MAST4: variants seen among roughly 807,000 people sequenced by gnomAD.
The protein encoded by MAST4 is microtubule-associated serine/threonine-protein kinase 4.
A neutral mutation model predicts 162.7 loss-of-function variants in MAST4; 89 were observed. The observed-to-expected ratio is 0.55, with a 90% CI of 0.46 to 0.65. The LOEUF (loss-of-function observed/expected upper bound fraction) is 0.65. Ranked by LOEUF, MAST4 falls within the 30% of genes least tolerant of loss-of-function variation. The pLI is 0.00. For missense variants in MAST4, 3,153 were observed against 3,374.0 expected (o/e 0.93, Z 1.62); for synonymous variants, 1,479 against 1,361.1 (o/e 1.09, Z -1.91).
At chr5:67,146,223 A>T (rs987026782) in intron 23 of MAST4, among the ~76,000 whole-genome samples, 7 of 152,216 alleles carry the variant, frequency 4.6e-5, no homozygotes, top group African/African-American at 1.7e-4. Flanking sequence ...CCTTTGTGTG[A>T]TGTAACCTTC....
At chr5:66,961,159 CA>C (rs2064904770) in intron 4 of MAST4, among the ~76,000 whole-genome samples, 1 of 152,202 alleles carries the variant, frequency 6.6e-6, no homozygotes, top group Non-Finnish European at 1.5e-5. Flanking sequence ...TACATTCACT[CA>C]TGGAGAAAGC....
intron 14 of MAST4, among the ~76,000 whole-genome samples, chr5:67,122,214 A>T (rs1228127744): frequency 6.6e-6 from 1 of 152,224 alleles, no homozygotes; most frequent in Non-Finnish European, 1.5e-5. Flanking sequence ...AAGAGCAATA[A>T]ACAATCTCAT....
intron 3 of MAST4, among the ~76,000 whole-genome samples, chr5:66,863,366 A>G (rs1490473085): frequency 6.6e-6 from 1 of 152,190 alleles, no homozygotes; most frequent in African/African-American, 2.4e-5. Context: ...GCTCTTTAAA[A>G]AACTGGGACT....
intron 1 of MAST4, among the ~76,000 whole-genome samples, chr5:66,684,735 C>T (rs1748535400): frequency 6.6e-6 from 1 of 152,086 alleles, no homozygotes; most frequent in Non-Finnish European, 1.5e-5. Context: ...AAGAATAATG[C>T]TAGTAATTTT....
At chr5:67,131,075 C>G (rs1768912512) in intron 15 of MAST4, among the ~76,000 whole-genome samples, 1 of 152,022 alleles carries the variant, frequency 6.6e-6, no homozygotes, top group Non-Finnish European at 1.5e-5. Context: ...CTATAAAACT[C>G]AAAGAAACAT....
At chr5:66,915,388 G>T (rs1245237461) in intron 4 of MAST4, among the ~76,000 whole-genome samples, 2 of 152,038 alleles carry the variant, frequency 1.3e-5, no homozygotes, top group Non-Finnish European at 1.5e-5. Context: ...ATGTTTCCCT[G>T]GATGATAAGA....
intron 6 of MAST4, chr5:67,093,519 G>A: frequency 2.7e-6 from 1 of 367,370 alleles, no homozygotes; most frequent in South Asian, 2.2e-5. Context: ...TGAGTAAATA[G>A]ACACAGACAA....
chr5:66,993,931 C>G (rs867729060), intron 4 of MAST4, among the ~76,000 whole-genome samples: 1 of 108,828 alleles, frequency 9.2e-6, no homozygotes, highest in East Asian at 3.5e-4. Context: ...CCCCCCCCCC[C>G]ACCCCACCAA....
Position 66,736,304 on chromosome 5 carries a change from G to A in MAST4, c.364-23405G>A, listed in dbSNP as rs532195292. On this transcript the variant is annotated intron_variant, in intron 1 of 28. Transcript: ENST00000403625. The stretch of plus-strand genomic sequence containing the variant: ...AGATGGAGAATACTTTGGCAACCAT[G>A]TAGTGAGGGAATTTTTTTTTTTTTT... 2.0e-5 allele frequency among the ~76,000 whole-genome samples: 3 copies of A among 149,172 alleles called. No homozygotes were observed. The South Asian group carries it at 6.4e-4, about 32-fold the overall frequency.
chr5:67,168,921 A>G lies in MAST4; in HGVS notation c.*1870A>G, dbSNP rs375343946. The G allele has an allele frequency of 6.6e-6, 1 of 152,254 alleles. No individual in the cohort carries two copies. Among genetic ancestry groups the G allele is most frequent in the Non-Finnish European group, 1.5e-5 (1 of 68,048 alleles). 9.4% of individuals were successfully genotyped at this position (152,254 alleles called of 1,614,324 possible). On this transcript the variant is annotated 3_prime_UTR_variant, in exon 29 of 29. Coordinates refer to ENST00000403625, the MANE Select transcript of MAST4 (RefSeq NM_001164664.2). The stretch of plus-strand genomic sequence containing the variant: ...AAAAACAAACAAAAAAAGAAAAAGA[A>G]AAAAGCCTCCTCCTTGCCCCTAATT...
chr5:67,014,846 G>A (rs1048764292), intron 4 of MAST4, among the ~76,000 whole-genome samples: 2 of 152,168 alleles, frequency 1.3e-5, no homozygotes, highest in Non-Finnish European at 2.9e-5. Flanking sequence ...ATGGCTTCTT[G>A]TAGAGGAAGC....
chr5:66,753,522 C>T (rs1186000185), intron 1 of MAST4, among the ~76,000 whole-genome samples: 1 of 151,768 alleles, frequency 6.6e-6, no homozygotes, highest in African/African-American at 2.4e-5. Context: ...ACTACAAACA[C>T]CTCGACGCAA....
intron 4 of MAST4, among the ~76,000 whole-genome samples, chr5:66,930,521 G>A (rs1742074704): frequency 6.6e-6 from 1 of 152,274 alleles, no homozygotes; most frequent in African/African-American, 2.4e-5. Flanking sequence ...GTGTGTATAT[G>A]ATTGTGAATG....
intron 4 of MAST4, among the ~76,000 whole-genome samples, chr5:66,951,865 A>G (rs1269990485): frequency 1.3e-5 from 2 of 151,936 alleles, no homozygotes; most frequent in East Asian, 1.9e-4. Flanking sequence ...TTTTTTCTCA[A>G]AGCCTCTTCC....
chr5:66,976,134 C>T (rs919177411), intron 4 of MAST4, among the ~76,000 whole-genome samples: 7 of 152,296 alleles, frequency 4.6e-5, no homozygotes, highest in South Asian at 2.1e-4. Context: ...GGGATCATTG[C>T]GTCTGCTGTT....
chr5:66,853,003 G>A (rs1759426444), intron 3 of MAST4, among the ~76,000 whole-genome samples: 2 of 152,234 alleles, frequency 1.3e-5, no homozygotes, highest in African/African-American at 4.8e-5. Flanking sequence ...AAAGCCCAGA[G>A]TGAGTCTTAA....
intron 8 of MAST4, among the ~76,000 whole-genome samples, chr5:67,101,574 G>C (rs951602632): frequency 2.6e-5 from 4 of 152,162 alleles, no homozygotes; most frequent in Admixed American, 6.5e-5. Context: ...AGTGCACTTT[G>C]ATATATTAAG....
intron 26 of MAST4, among the ~76,000 whole-genome samples, chr5:67,155,084 A>G (rs569898157): frequency 6.6e-6 from 1 of 152,356 alleles, no homozygotes; most frequent in South Asian, 2.1e-4. Flanking sequence ...GTGTATGTTT[A>G]GAACTGCATG....
At chr5:66,912,164 A>G (rs1247366599) in intron 4 of MAST4, among the ~76,000 whole-genome samples, 1 of 152,206 alleles carries the variant, frequency 6.6e-6, no homozygotes, top group Non-Finnish European at 1.5e-5. Context: ...AACAAGTGGT[A>G]ATGTTAATTG....
Sources: allele counts gnomAD v4.1 joint callset (sites outside exome capture counted in the v4.1 genomes callset), GRCh38; gene constraint gnomAD v4.1.1; transcripts MANE v1.5; gene names NCBI Gene and HGNC (gene_info 2026-07-23, HGNC 2026-07-21).